The following ADAM2 variants were observed in gnomAD, a reference collection of about 807,000 sequenced individuals.
ADAM2 encodes ADAM metallopeptidase domain 2, also known as disintegrin and metalloproteinase domain-containing protein 2.
A neutral mutation model predicts 99.3 loss-of-function variants in ADAM2; 101 were observed. That is an observed-to-expected ratio of 1.02 (90% CI 0.87 to 1.20). ADAM2 has a LOEUF of 1.20. Among genes scored for constraint, ADAM2 ranks in the 50% most tolerant of loss-of-function variants. The pLI, the probability that ADAM2 is intolerant of heterozygous loss-of-function variation, is 0.00. For missense variants in ADAM2, 948 were observed against 878.7 expected (o/e 1.08, Z -1.00); for synonymous variants, 323 against 287.6 (o/e 1.12, Z -1.25).
chr8:39,802,465 T>C (rs963402529), intron 7 of ADAM2, among the ~76,000 whole-genome samples: 3 of 152,220 alleles, frequency 2.0e-5, no homozygotes, highest in Admixed American at 2.0e-4. Flanking sequence ...GCTCTGTTCA[T>C]TGTTTTTGAG....
intron 16 of ADAM2, among the ~76,000 whole-genome samples, chr8:39,753,027 A>C (rs982727833): frequency 8.5e-5 from 13 of 152,188 alleles, no homozygotes; most frequent in African/African-American, 2.7e-4. Flanking sequence ...TGAAAATACT[A>C]AAAAATGTGG....
intron 14 of ADAM2, among the ~76,000 whole-genome samples, chr8:39,765,643 T>C (rs1802541336): frequency 6.6e-6 from 1 of 152,238 alleles, no homozygotes; most frequent in African/African-American, 2.4e-5. Flanking sequence ...TGTCTCTTTC[T>C]GTCTCTATTT....
At position 39,809,913 on chromosome 8, in the gene ADAM2, A is replaced by G. The variant is rs182306292; in HGVS notation, c.514-447T>C. 7.9e-4 allele frequency among the ~76,000 whole-genome samples: 120 copies of G among 152,352 alleles called. 1 individual carries two copies. The East Asian group carries it at 0.021, about 27-fold the overall frequency. ...AACCAGCTAACATCATAATGACAGGATCAAATTCACACATAACAATATTAA... is the reference window on the plus strand; with the variant it reads ...AACCAGCTAACATCATAATGACAGGGTCAAATTCACACATAACAATATTAA... On this transcript the variant is annotated intron_variant, in intron 6 of 20. Transcript: ENST00000265708.
chr8:39,795,170 T>C (rs1318839457), intron 7 of ADAM2, among the ~76,000 whole-genome samples: 1 of 152,130 alleles, frequency 6.6e-6, no homozygotes, highest in Non-Finnish European at 1.5e-5. Context: ...GAAACATCAA[T>C]TTCTGAACAT....
chr8:39,810,173 C>G (rs557317872), intron 6 of ADAM2, among the ~76,000 whole-genome samples: 1 of 152,116 alleles, frequency 6.6e-6, no homozygotes, highest in Admixed American at 6.5e-5. Flanking sequence ...CAACAAAGAT[C>G]AAAAGAGACA....
intron 15 of ADAM2, among the ~76,000 whole-genome samples, chr8:39,760,379 G>A (rs777421633): frequency 3.5e-4 from 54 of 152,214 alleles, no homozygotes; most frequent in Non-Finnish European, 5.9e-4. Context: ...TAAAGAGTGG[G>A]ATTAGGATTT....
intron 7 of ADAM2, 24 bp from the exon 8 acceptor site, chr8:39,788,764 GATATAA>G: frequency 8.0e-7 from 1 of 1,245,814 alleles, no homozygotes. Flanking sequence ...TTACATTTTA[GATATAA>G]ATATATATTG....
At chr8:39,809,820 GC>G (rs1405915505) in intron 6 of ADAM2, among the ~76,000 whole-genome samples, 1 of 152,158 alleles carries the variant, frequency 6.6e-6, no homozygotes, top group African/African-American at 2.4e-5. Context: ...ACCAGCCACT[GC>G]AAAAACATGC....
chr8:39,785,704 G>C (rs1803438101), intron 10 of ADAM2, among the ~76,000 whole-genome samples: 1 of 151,806 alleles, frequency 6.6e-6, no homozygotes, highest in African/African-American at 2.4e-5. Context: ...ACTGAGGCTG[G>C]AGAATTGCCT....
intron 10 of ADAM2, among the ~76,000 whole-genome samples, chr8:39,785,052 A>T (rs987908619): frequency 8.5e-5 from 13 of 152,224 alleles, no homozygotes; most frequent in African/African-American, 3.1e-4. Flanking sequence ...TCCTTTGTTT[A>T]ATTAAATCTC....
intron 11 of ADAM2, among the ~76,000 whole-genome samples, chr8:39,772,982 T>C (rs749178342): frequency 3.3e-5 from 5 of 151,782 alleles, no homozygotes; most frequent in Non-Finnish European, 7.4e-5. Flanking sequence ...CACTTTCTGT[T>C]GTACATGATG....
chr8:39,787,516 T>G (rs1803515047), intron 9 of ADAM2, among the ~76,000 whole-genome samples: 1 of 149,642 alleles, frequency 6.7e-6, no homozygotes, highest in Non-Finnish European at 1.5e-5. Context: ...TAAAACTCCA[T>G]GTTTAATCTT....
intron 15 of ADAM2, among the ~76,000 whole-genome samples, chr8:39,760,731 TAAAAAAATAAA>T (rs1223929096): frequency 4.5e-5 from 6 of 133,148 alleles, no homozygotes; most frequent in Non-Finnish European, 7.7e-5. Context: ...AAAAATAAAA[TAAAAAAATAAA>T]AAAAAAACAC....
At chr8:39,798,508 GT>G (rs1205796096) in intron 7 of ADAM2, among the ~76,000 whole-genome samples, 2 of 151,988 alleles carry the variant, frequency 1.3e-5, no homozygotes, top group Non-Finnish European at 2.9e-5. Context: ...TTCTTTTTTT[GT>G]TGTGTCTCTT....
chr8:39,824,853 G>T lies in ADAM2; in HGVS notation c.233C>A (p.Thr78Lys). ...HNFRVYSYSG[T>K]GIMKPLDQDF... is the part of the protein sequence containing the mutation. The stretch of plus-strand genomic sequence containing the variant: ...TTGGTCAAGTGGTTTCATAATTCCT[G>T]TGCCACTATAACTGTAAACTCTAAA... Residue 78 changes from threonine to lysine, a missense_variant, in exon 4 of 21, where the codon ACA (threonine) becomes AAA (lysine). By Grantham distance (78) the Thr-to-Lys change is moderately conservative. Coordinates refer to ENST00000265708, the MANE Select transcript of ADAM2 (RefSeq NM_001464.5). 1 of 1,578,196 alleles carries T rather than the reference G, an allele frequency of 6.3e-7. No individual in the cohort carries two copies. Among genetic ancestry groups the T allele is most frequent in the Non-Finnish European group, 8.7e-7 (1 of 1,153,344 alleles).
At chr8:39,749,814 C>T (rs1294841402) in intron 16 of ADAM2, 70 bp from the exon 17 acceptor site, 1 of 1,108,700 alleles carries the variant, frequency 9.0e-7, no homozygotes, top group Non-Finnish European at 1.4e-6. Flanking sequence ...AAAAGCATTC[C>T]ATACCATACC....
chr8:39,795,641 A>G (rs987816152), intron 7 of ADAM2, among the ~76,000 whole-genome samples: 2 of 152,066 alleles, frequency 1.3e-5, no homozygotes, highest in African/African-American at 4.8e-5. Context: ...GTCTCCCTAA[A>G]ATCCATAAAA....
chr8:39,834,140 T>A, intron 2 of ADAM2, 141 bp from the exon 3 acceptor site: 2 of 528,064 alleles, frequency 3.8e-6, no homozygotes, highest in Admixed American at 3.5e-5. Context: ...TAATGCTGAT[T>A]TATTTTAATG....
chr8:39,749,441 T>C lies in ADAM2; in HGVS notation c.1885A>G (p.Asn629Asp). The C allele has an allele frequency of 6.2e-7, 1 of 1,612,344 alleles. No homozygotes were observed. Among genetic ancestry groups the C allele is most frequent in the Non-Finnish European group, 8.5e-7 (1 of 1,178,976 alleles). ...DKCNDRGVCN[N>D]KKHCHCSASY... ...GCACTACAGTGACAGTGCTTTTTGT[T>C]ATTGCATACCTAAAAGAAGGAGAAA... The change falls in exon 18 of 21, where the codon AAC becomes GAC. Residue 629 changes from asparagine (N) to aspartate (D), a missense_variant. Transcript: ENST00000265708.
Sources: gnomAD v4.1 joint callset for allele counts (sites outside exome capture counted in the v4.1 genomes callset) on GRCh38, gnomAD v4.1.1 for gene constraint, MANE v1.5 for transcripts, NCBI Gene and HGNC (gene_info 2026-07-23, HGNC 2026-07-21) for gene names.